The following CFH variants were observed in gnomAD, a reference collection of about 807,000 sequenced individuals.
CFH encodes H factor 1 (complement).
A neutral mutation model predicts 147.3 loss-of-function variants in CFH; 53 were observed. The ratio of observed to expected loss-of-function variants is 0.36; its 90% CI spans 0.29 to 0.45. The LOEUF is 0.45. CFH is among the 20% of genes least tolerant of loss of function. CFH has a pLI of 1.00. For missense variants in CFH, 1,380 were observed against 1,498.0 expected (o/e 0.92, Z 1.30); for synonymous variants, 536 against 489.4 (o/e 1.10, Z -1.26).
At chr1:196,688,266 C>T (rs1667895808) in intron 7 of CFH, among the ~76,000 whole-genome samples, 2 of 151,854 alleles carry the variant, frequency 1.3e-5, no homozygotes, top group African/African-American at 2.4e-5. Flanking sequence ...AACAAGATAG[C>T]ACTCAAATGT....
chr1:196,742,095 C>T (rs1386499148), intron 19 of CFH, 44 bp downstream of exon 19: 1 of 1,590,780 alleles, frequency 6.3e-7, no homozygotes, highest in Non-Finnish European at 8.6e-7. Flanking sequence ...AATGTGTGGG[C>T]CCAGCCCAGT....
At chr1:196,732,336 G>A (rs1329209576) in intron 15 of CFH, among the ~76,000 whole-genome samples, 2 of 151,504 alleles carry the variant, frequency 1.3e-5, no homozygotes, top group Non-Finnish European at 2.9e-5. Context: ...TTTTTGTTTG[G>A]TATTTTAAAA....
intron 15 of CFH, among the ~76,000 whole-genome samples, chr1:196,732,565 T>C (rs1336581393): frequency 1.3e-5 from 2 of 152,046 alleles, no homozygotes; most frequent in Non-Finnish European, 2.9e-5. Flanking sequence ...TTCTATGCAA[T>C]AGATAAGACA....
intron 21 of CFH, 92 bp downstream of exon 21, chr1:196,746,091 C>T: frequency 1.9e-6 from 3 of 1,598,514 alleles, no homozygotes; most frequent in Non-Finnish European, 2.6e-6. Context: ...GATTATTGAA[C>T]AACCATTCTG....
chr1:196,704,952 C>G (rs1242939819), intron 9 of CFH, among the ~76,000 whole-genome samples: 1 of 152,140 alleles, frequency 6.6e-6, no homozygotes, highest in East Asian at 1.9e-4. Context: ...TCTGTATTCC[C>G]CTGAGTCCAG....
chr1:196,691,333 GA>G lies in CFH; in HGVS notation c.1336+1095del, dbSNP rs1483728797. Among the ~76,000 whole-genome samples, 33 of 152,102 alleles carry G rather than the reference GA, an allele frequency of 2.2e-4. No individual in the cohort carries two copies. The East Asian group carries it at 4.5e-3, about 21-fold the overall frequency. ...ATATGTAAGTACAAATGGGTATTCT[GA>G]GATCTTGTGCATATTCTACTCTAGA... On this transcript the variant is annotated intron_variant, in intron 9 of 21. Coordinates refer to ENST00000367429, the MANE Select transcript of CFH (RefSeq NM_000186.4).
chr1:196,684,912 A>G (rs752511326), intron 6 of CFH, 152 bp from the exon 7 acceptor site: 21 of 650,398 alleles, frequency 3.2e-5, no homozygotes, highest in Non-Finnish European at 5.4e-5. Context: ...TAAGTGATAT[A>G]CCAGAAAGGA....
chr1:196,735,437 T>A (rs1176732800), intron 15 of CFH, among the ~76,000 whole-genome samples: 1 of 152,150 alleles, frequency 6.6e-6, no homozygotes, highest in Non-Finnish European at 1.5e-5. Flanking sequence ...GTCACAATGT[T>A]CTTCAAATTT....
intron 7 of CFH, among the ~76,000 whole-genome samples, chr1:196,687,462 T>A (rs936017791): frequency 4.6e-5 from 7 of 152,114 alleles, no homozygotes; most frequent in Non-Finnish European, 1.0e-4. Context: ...ATGCCTCCTT[T>A]TTATTCCTTT....
At chr1:196,707,991 T>C (rs1009579264) in intron 9 of CFH, among the ~76,000 whole-genome samples, 3 of 152,210 alleles carry the variant, frequency 2.0e-5, no homozygotes, top group Non-Finnish European at 4.4e-5. Flanking sequence ...CATAATTGCC[T>C]TGGTCAATAC....
chr1:196,724,167 C>T (rs1032167013), intron 11 of CFH, among the ~76,000 whole-genome samples: 4 of 151,916 alleles, frequency 2.6e-5, no homozygotes, highest in Non-Finnish European at 5.9e-5. Flanking sequence ...GAATAGCCTC[C>T]CTGGTGGTTA....
intron 12 of CFH, 101 bp downstream of exon 12, chr1:196,725,398 T>A: frequency 8.9e-7 from 1 of 1,122,612 alleles, no homozygotes; most frequent in East Asian, 2.4e-5. Context: ...TGTAATCTAA[T>A]GAATTAAGTC....
intron 7 of CFH, among the ~76,000 whole-genome samples, chr1:196,687,970 A>G (rs1667884088): frequency 6.6e-6 from 1 of 151,720 alleles, no homozygotes; most frequent in Admixed American, 6.6e-5. Flanking sequence ...TTTATAATCC[A>G]CATAATAAAT....
At chr1:196,684,828 T>C (rs1439343781) in intron 6 of CFH, among the ~76,000 whole-genome samples, 1 of 151,942 alleles carries the variant, frequency 6.6e-6, no homozygotes, top group African/African-American at 2.4e-5. Flanking sequence ...AAGTATGGGA[T>C]GACTTTGGAG....
intron 1 of CFH, among the ~76,000 whole-genome samples, chr1:196,663,116 T>G (rs1306865068): frequency 6.6e-6 from 1 of 152,202 alleles, no homozygotes; most frequent in African/African-American, 2.4e-5. Flanking sequence ...TTCCTTATGA[T>G]GCATATAGGT....
intron 11 of CFH, 68 bp downstream of exon 11, chr1:196,715,837 T>C: frequency 7.6e-7 from 1 of 1,319,876 alleles, no homozygotes; most frequent in Admixed American, 1.9e-5. Context: ...TTTTAAAAAT[T>C]TGAATTATAT....
intron 9 of CFH, among the ~76,000 whole-genome samples, chr1:196,712,725 C>T (rs925009944): frequency 2.0e-5 from 3 of 150,538 alleles, no homozygotes; most frequent in Non-Finnish European, 4.4e-5. Flanking sequence ...ATTAACTCGT[C>T]ATTTAGCATT....
intron 17 of CFH, among the ~76,000 whole-genome samples, chr1:196,739,319 A>T (rs1652719422): frequency 6.6e-6 from 1 of 152,218 alleles, no homozygotes; most frequent in Non-Finnish European, 1.5e-5. Context: ...CTCCCCAGAA[A>T]AATGAAGTTT....
chr1:196,670,863 G>T (rs1403808593), intron 1 of CFH, among the ~76,000 whole-genome samples: 1 of 152,010 alleles, frequency 6.6e-6, no homozygotes, highest in African/African-American at 2.4e-5. Flanking sequence ...AAACCTTTGA[G>T]CTATTGTTTC....
Sources: allele counts gnomAD v4.1 joint callset (sites outside exome capture counted in the v4.1 genomes callset), GRCh38; gene constraint gnomAD v4.1.1; transcripts MANE v1.5; gene names NCBI Gene and HGNC (gene_info 2026-07-23, HGNC 2026-07-21).